The following HRNR variants were observed in gnomAD, a reference collection of about 807,000 sequenced individuals.
HRNR encodes the protein hornerin.
HRNR carries 7 observed loss-of-function variants against 4.8 expected under a neutral mutation model. The observed-to-expected ratio is 1.47, with a 90% CI of 0.83 to 2.75. The LOEUF is 2.75. Ranked by LOEUF, HRNR falls within the 30% of genes most tolerant of loss-of-function variation. HRNR has a pLI of 0.00. For synonymous variants in HRNR, 1,023 were observed against 1,242.7 expected (o/e 0.82, Z 3.72); for missense variants, 2,879 against 3,010.4 (o/e 0.96, Z 1.02).
In HRNR at chr1:152,221,403, G is replaced by C. The variant is rs139672548; in HGVS notation, c.226C>G (p.Leu76Val). 1.2e-6 allele frequency: 2 copies of C among 1,613,498 alleles called. No individual in the cohort carries two copies. The highest frequency in any genetic ancestry group is 2.7e-5 in the African/African-American group (2 of 74,878). Residue 76 changes from leucine (L) to valine (V), a missense_variant, in exon 3 of 3, where the codon CTG (leucine) becomes GTG (valine). Leu to Val is a conservative substitution (Grantham distance 32, BLOSUM62 1). This residue lies in a region of HRNR where 2,646 missense variants were observed against 1,377.7 expected (regional missense o/e 1.92). Coordinates refer to ENST00000368801, the MANE Select transcript of HRNR (RefSeq NM_001009931.3). ...NKKVDFTEYL[L>V]MIFKLVQARN... The stretch of plus-strand genomic sequence containing the variant: ...GCCTGAACCAGCTTGAATATCATCA[G>C]AAGATACTCAGTAAAATCCACTTTC...
chr1:152,221,546 C>A, intron 2 of HRNR, 56 bp from the exon 3 acceptor site: 1 of 1,292,044 alleles, frequency 7.7e-7, no homozygotes, highest in Non-Finnish European at 1.1e-6. Context: ...ATACATCTGG[C>A]TAACGAACTG....
chr1:152,219,045 C>T lies in HRNR; in HGVS notation c.2584G>A (p.Gly862Ser), dbSNP rs757717360. ...SSSGQHDSSS[G>S]QSSSYGQHES... ...TGCTGACCATAGCTGGAAGATTGAC[C>T]TGAGCTAGAGTCATGTTGGCCGGAG... is the stretch of plus-strand genomic sequence containing the variant. The change falls in exon 3 of 3, where the codon GGT (glycine) becomes AGT (serine). Residue 862 changes from glycine (G) to serine (S), a missense_variant. By Grantham distance (56) the Gly-to-Ser change is moderately conservative. Around this residue, in one of 8 missense-constraint regions of HRNR, gnomAD observed 2,646 missense variants for 1,377.7 expected, o/e 1.92. Coordinates refer to ENST00000368801, the MANE Select transcript of HRNR (RefSeq NM_001009931.3). The T allele has an allele frequency of 1.2e-6, 2 of 1,613,750 alleles. No homozygotes were observed. The highest frequency in any genetic ancestry group is 1.7e-6 in the Non-Finnish European group (2 of 1,179,954).
In HRNR at chr1:152,220,306, T is replaced by G. The variant is rs138571778; in HGVS notation, c.1323A>C (p.Gln441His). The G allele has an allele frequency of 2.9e-5, 46 of 1,613,850 alleles. No individual in the cohort carries two copies. In the East Asian group the frequency reaches 7.4e-4, roughly 26 times the overall value. The change falls in exon 3 of 3, where the codon CAA (glutamine) becomes CAC (histidine). Residue 441 changes from glutamine to histidine, a missense_variant. By Grantham distance (24) the Gln-to-His change is conservative. Coordinates refer to ENST00000368801, the MANE Select transcript of HRNR (RefSeq NM_001009931.3). ...SGSGQSPSSG[Q>H]HGTGFGRSSS... ...AAGATCGACCAAAGCCAGTCCCATG[T>G]TGGCCGGAGCTGGGAGACTGCCCTG... is the stretch of plus-strand genomic sequence containing the variant.
chr1:152,212,756 G>T lies in HRNR; in HGVS notation c.*320C>A. The T allele has an allele frequency of 5.3e-6, 2 of 379,400 alleles. No homozygotes were observed. Among genetic ancestry groups the T allele is most frequent in the Non-Finnish European group, 4.7e-6 (1 of 212,238 alleles). 23.5% of individuals were successfully genotyped at this position (379,400 alleles called of 1,614,324 possible). ...GGCACCATCTATAAATGAATGATGA[G>T]CTCTCAAAAAGACAACTCCAACTAA... is the stretch of plus-strand genomic sequence containing the variant. On this transcript the variant is annotated 3_prime_UTR_variant, in exon 3 of 3. Transcript: ENST00000368801.
chr1:152,220,381 G>A lies in HRNR; in HGVS notation c.1248C>T (p.His416=). The change falls in exon 3 of 3, where the codon CAC becomes CAT. Residue 416 remains histidine, a synonymous_variant. Transcript: ENST00000368801. ...ASRHSSGRGQ[H]SSGSGQSPGH... ...CTGGAGACTGGCCAGATCCAGAGCT[G>A]TGTTGGCCGCGGCCTGAAGAGTGAC... 1 of 1,613,356 alleles carries A rather than the reference G, an allele frequency of 6.2e-7. No homozygotes were observed. Among genetic ancestry groups the A allele is most frequent in the Non-Finnish European group, 8.5e-7 (1 of 1,179,646 alleles).
chr1:152,219,313 A>T lies in HRNR; in HGVS notation c.2316T>A (p.Ser772=), dbSNP rs562132712. 12 of 1,613,326 alleles carry T rather than the reference A, an allele frequency of 7.4e-6. No individual in the cohort carries two copies. Among genetic ancestry groups the T allele is most frequent in the African/African-American group, 6.7e-5 (5 of 74,688 alleles). ...SSGHGRQGSG[S]GHSPSRVRHG... is the part of the protein sequence containing the mutation. Reference sequence around the variant, plus strand: ...GTCGGACACGGCTAGGAGAGTGGCCAGATCCAGACCCTTGTCGGCCGTGGC... The same window carrying T: ...GTCGGACACGGCTAGGAGAGTGGCCTGATCCAGACCCTTGTCGGCCGTGGC... The change falls in exon 3 of 3, where the codon TCT becomes TCA. Residue 772 remains serine (S), a synonymous_variant. Coordinates refer to ENST00000368801, the MANE Select transcript of HRNR (RefSeq NM_001009931.3).
chr1:152,219,464 T>A lies in HRNR; in HGVS notation c.2165A>T (p.His722Leu), dbSNP rs1030850912. 43 of 1,613,222 alleles carry A rather than the reference T, an allele frequency of 2.7e-5. No homozygotes were observed. Among genetic ancestry groups the A allele is most frequent in the African/African-American group, 4.0e-5 (3 of 74,516 alleles). ...GCCGTGTTTTCTGTAGCCGGAGGAG[T>A]GACTTGAGCCAGATCCATGCTGACT... ...GYSQHGSGSS[H>L]SSGYRKHGSR... Residue 722 changes from histidine (H) to leucine (L), a missense_variant, in exon 3 of 3, where the codon CAC becomes CTC. Physicochemically the swap from His to Leu is moderately conservative, Grantham distance 99 (BLOSUM62 -3). Around this residue, in one of 8 missense-constraint regions of HRNR, gnomAD observed 2,646 missense variants for 1,377.7 expected, o/e 1.92. Transcript: ENST00000368801.
chr1:152,220,465 G>T lies in HRNR; in HGVS notation c.1164C>A (p.Gly388=), dbSNP rs1292422946. Residue 388 remains glycine (G), a synonymous_variant, in exon 3 of 3, where the codon GGC becomes GGA. Coordinates refer to ENST00000368801, the MANE Select transcript of HRNR (RefSeq NM_001009931.3). ...GSTSGQASSS[G]QHGSSSRQSS... ...ACTGACGTGAGCTGGAGCCATGTTGGCCAGAGCTTGATGCCTGCCCTGACG... is the reference window on the plus strand; with the variant it reads ...ACTGACGTGAGCTGGAGCCATGTTGTCCAGAGCTTGATGCCTGCCCTGACG... 11 of 1,610,982 alleles carry T rather than the reference G, an allele frequency of 6.8e-6. No homozygotes were observed. Among genetic ancestry groups the T allele is most frequent in the Admixed American group, 1.7e-5 (1 of 59,782 alleles).
chr1:152,219,272 C>G lies in HRNR; in HGVS notation c.2357G>C (p.Gly786Ala). ...GTGTTGGCCGTGGCTGGAGGAGTGCCCTGAACTGGACCCATGTCGGACACG... is the reference window on the plus strand; with the variant it reads ...GTGTTGGCCGTGGCTGGAGGAGTGCGCTGAACTGGACCCATGTCGGACACG... ...PSRVRHGSSS[G>A]HSSSHGQHGS... The change falls in exon 3 of 3, where the codon GGG becomes GCG. Residue 786 changes from glycine to alanine, a missense_variant. By Grantham distance (60) the Gly-to-Ala change is moderately conservative. This residue lies in a region of HRNR where 2,646 missense variants were observed against 1,377.7 expected (regional missense o/e 1.92). Coordinates refer to ENST00000368801, the MANE Select transcript of HRNR (RefSeq NM_001009931.3). The G allele has an allele frequency of 6.2e-7, 1 of 1,613,688 alleles. No homozygotes were observed. Among genetic ancestry groups the G allele is most frequent in the Non-Finnish European group, 8.5e-7 (1 of 1,179,970 alleles).
Position 152,219,723 on chromosome 1 carries a change from G to T in HRNR, c.1906C>A (p.His636Asn), listed in dbSNP as rs1557845052. The stretch of plus-strand genomic sequence containing the variant: ...CTTGAGCCAGAGCCATGCTGACCGT[G>T]GCTGGAAGACTGACCTGAGGTAGCT... ...HGATSGQSSS[H>N]GQHGSGSSQS... Residue 636 changes from histidine (H) to asparagine (N), a missense_variant, in exon 3 of 3, where the codon CAC (histidine) becomes AAC (asparagine). Physicochemically the swap from His to Asn is moderately conservative, Grantham distance 68. Transcript: ENST00000368801. The T allele has an allele frequency of 1.2e-6, 2 of 1,612,758 alleles. No individual in the cohort carries two copies. The highest frequency in any genetic ancestry group is 1.7e-6 in the Non-Finnish European group (2 of 1,179,462).
Position 152,212,921 on chromosome 1 carries a change from C to A in HRNR, c.*155G>T. 9.8e-7 allele frequency: 1 copy of A among 1,022,700 alleles called. No individual in the cohort carries two copies. Among genetic ancestry groups the A allele is most frequent in the Non-Finnish European group, 1.4e-6 (1 of 717,532 alleles). The allele number at this position is 1,022,700 out of a possible 1,614,324, so 63.4% of individuals were successfully genotyped here. A position where few individuals can be genotyped will look rare whatever the true frequency, so the allele number is the denominator to read the frequency against. On this transcript the variant is annotated 3_prime_UTR_variant, in exon 3 of 3. Transcript: ENST00000368801. ...AAGGAACCCCATAACAAGATATATG[C>A]TACAGTTTTAGGCTCTAAAGAAAGA...
At position 152,213,152 on chromosome 1, in the gene HRNR, G is replaced by T. The variant is rs142668819; in HGVS notation, c.8477C>A (p.Ser2826Ter). ...GCTACTAGGAAAACTGAGAAAATATGAGCCAGAACTTCCCCCATCATGGTT... is the reference window on the plus strand; with the variant it reads ...GCTACTAGGAAAACTGAGAAAATATTAGCCAGAACTTCCCCCATCATGGTT... Reference protein sequence around the residue: ...GSNHDGGSSGSYFLSFPSSTS... With the variant: ...GSNHDGGSSG Residue 2826 changes from serine to a stop codon, truncating the protein, a stop_gained, in exon 3 of 3, where the codon TCA (serine) becomes TAA (stop). Coordinates refer to ENST00000368801, the MANE Select transcript of HRNR (RefSeq NM_001009931.3). LOFTEE classifies it low-confidence loss of function (END_TRUNC). 6.2e-7 allele frequency: 1 copy of T among 1,613,992 alleles called. No individual in the cohort carries two copies. Among genetic ancestry groups the T allele is most frequent in the Non-Finnish European group, 8.5e-7 (1 of 1,180,030 alleles).
At position 152,219,010 on chromosome 1, in the gene HRNR, G is replaced by T. The variant is rs1356062509; in HGVS notation, c.2619C>A (p.Ala873=). ...GGCCGCGGCCCGAAGCGTGATGGGA[G>T]GCAGACTCATGCTGACCATAGCTGG... is the stretch of plus-strand genomic sequence containing the variant. ...QSSSYGQHES[A]SHHASGRGRH... The change falls in exon 3 of 3, where the codon GCC becomes GCA. Residue 873 remains alanine (A), a synonymous_variant. Transcript: ENST00000368801. 2.5e-6 allele frequency: 4 copies of T among 1,613,964 alleles called. No homozygotes were observed. Among genetic ancestry groups the T allele is most frequent in the African/African-American group, 2.7e-5 (2 of 74,990 alleles).
In HRNR at chr1:152,220,654, G is replaced by C; in HGVS notation, c.975C>G (p.His325Gln). The change falls in exon 3 of 3, where the codon CAC (histidine) becomes CAG (glutamine). Residue 325 changes from histidine to glutamine, a missense_variant. By Grantham distance (24) the His-to-Gln change is conservative (BLOSUM62 0). This residue lies in a region of HRNR where 2,646 missense variants were observed against 1,377.7 expected (regional missense o/e 1.92). Transcript: ENST00000368801. ...GSGHSSSHGQ[H>Q]GSGSSYSYSR... Reference sequence around the variant, plus strand: ...TGTAAGAGTAACTTGAGCCAGACCCGTGTTGGCCGTGGCTGGAGGAGTGCC... The same window carrying C: ...TGTAAGAGTAACTTGAGCCAGACCCCTGTTGGCCGTGGCTGGAGGAGTGCC... 1 of 1,612,278 alleles carries C rather than the reference G, an allele frequency of 6.2e-7. No individual in the cohort carries two copies. The highest frequency in any genetic ancestry group is 8.5e-7 in the Non-Finnish European group (1 of 1,178,820).
In HRNR at chr1:152,218,813, CCTGAGCTAGA is replaced by C. The variant is rs574180923; in HGVS notation, c.2806_2815del (p.Ser936GlyfsTer112). ...ATGCTGAGTGTAACCAGAGGACTGC[CCTGAGCTAGA>C]CTTGTGACCAAAGCCAGAAGACTGG... On this transcript the variant is annotated frameshift_variant, in exon 3 of 3. Coordinates refer to ENST00000368801, the MANE Select transcript of HRNR (RefSeq NM_001009931.3). LOFTEE classifies it low-confidence loss of function (END_TRUNC). The C allele has an allele frequency of 6.2e-7, 1 of 1,613,382 alleles. No individual in the cohort carries two copies. The highest frequency in any genetic ancestry group is 2.2e-5 in the East Asian group (1 of 44,740).
chr1:152,220,594 A>T lies in HRNR; in HGVS notation c.1035T>A (p.Thr345=), dbSNP rs1361564529. 9 of 1,608,094 alleles carry T rather than the reference A, an allele frequency of 5.6e-6. No individual in the cohort carries two copies. Among genetic ancestry groups the T allele is most frequent in the Non-Finnish European group, 7.7e-6 (9 of 1,175,804 alleles). The change falls in exon 3 of 3, where the codon ACT becomes ACA. Residue 345 remains threonine, a synonymous_variant. Transcript: ENST00000368801. The part of the protein sequence containing the change: ...RGHYESGSGQ[T]SGFGQHESGS... ...CAGACTCATGTTGCCCAAAGCCAGAAGTCTGGCCTGAGCCAGACTCATAAT... is the reference window on the plus strand; with the variant it reads ...CAGACTCATGTTGCCCAAAGCCAGATGTCTGGCCTGAGCCAGACTCATAAT...
intron 2 of HRNR, among the ~76,000 whole-genome samples, chr1:152,221,932 C>A (rs1649016473): frequency 6.6e-6 from 1 of 151,948 alleles, no homozygotes; most frequent in African/African-American, 2.4e-5. Flanking sequence ...AAGAAGTGAA[C>A]AAGTTTGCTT....
In HRNR at chr1:152,212,747, G is replaced by C; in HGVS notation, c.*329C>G. The C allele has an allele frequency of 5.5e-6, 2 of 360,680 alleles. No homozygotes were observed. Among genetic ancestry groups the C allele is most frequent in the Non-Finnish European group, 1.0e-5 (2 of 200,840 alleles). 22.3% of individuals were successfully genotyped at this position (360,680 alleles called of 1,614,324 possible). ...GTTAGCTTTGGCACCATCTATAAAT[G>C]AATGATGAGCTCTCAAAAAGACAAC... On this transcript the variant is annotated 3_prime_UTR_variant, in exon 3 of 3. Transcript: ENST00000368801.
rs1040418728 is a variant in HRNR, at chr1:152,219,158, G to A, written c.2471C>T (p.Ser824Leu). Residue 824 changes from serine (S) to leucine (L), a missense_variant, in exon 3 of 3, where the codon TCA becomes TTA. Physicochemically the swap from Ser to Leu is moderately radical, Grantham distance 145. Transcript: ENST00000368801. ...ASGFGQHESG[S>L]GQGYSQHGSA... The stretch of plus-strand genomic sequence containing the variant: ...ACCATGCTGACTATAGCCCTGTCCT[G>A]AGCCAGACTCGTGTTGCCCAAAACC... 6.2e-7 allele frequency: 1 copy of A among 1,613,452 alleles called. No homozygotes were observed. The highest frequency in any genetic ancestry group is 1.3e-5 in the African/African-American group (1 of 74,732).
Sources: gnomAD v4.1 joint callset for allele counts (sites outside exome capture counted in the v4.1 genomes callset) on GRCh38, gnomAD v4.1.1 for gene constraint, gnomAD v4.1.1 regional missense constraint, MANE v1.5 for transcripts, NCBI Gene and HGNC (gene_info 2026-07-23, HGNC 2026-07-21) for gene names.